PRP4K: variants seen among roughly 807,000 people sequenced by gnomAD.
PRP4K encodes pre-mRNA processing factor kinase PRP4K, also known as serine/threonine-protein kinase PRP4 homolog.
At chr6:4,041,335 C>T in the PRP4K span, among the ~76,000 whole-genome samples, 2 of 152,288 alleles carry the variant, frequency 1.3e-5, no homozygotes, top group African/African-American at 4.8e-5. Flanking sequence ...CTTTTTACAA[C>T]ATGAAAATGT....
the PRP4K span, among the ~76,000 whole-genome samples, chr6:4,023,991 C>T: frequency 4.0e-5 from 6 of 151,842 alleles, no homozygotes; most frequent in South Asian, 4.2e-4. Context: ...CTCAGCCTCC[C>T]GAGTAGCTGG....
the PRP4K span, among the ~76,000 whole-genome samples, chr6:4,034,665 A>C: frequency 2.0e-5 from 3 of 152,058 alleles, no homozygotes; most frequent in Admixed American, 2.0e-4. Context: ...TTCTTAGGTG[A>C]CTAGTGAGGG....
chr6:4,036,170 C>A, the PRP4K span, among the ~76,000 whole-genome samples: 1 of 152,230 alleles, frequency 6.6e-6, no homozygotes, highest in Admixed American at 6.5e-5. Flanking sequence ...AAGAGTAAAA[C>A]TCACTGAAAG....
At chr6:4,058,710 TTTTG>T in the PRP4K span, 4 of 1,603,170 alleles carry the variant, frequency 2.5e-6, no homozygotes, top group Non-Finnish European at 3.4e-6. Context: ...AAACCCAAGT[TTTTG>T]TTTTGTTTTG....
At chr6:4,056,303 T>C in the PRP4K span, 1 of 1,562,798 alleles carries the variant, frequency 6.4e-7, no homozygotes, top group Non-Finnish European at 8.8e-7. Flanking sequence ...TAAATTCCCT[T>C]GAAAAAATGT....
the PRP4K span, chr6:4,049,954 T>G: frequency 1.4e-6 from 2 of 1,475,508 alleles, no homozygotes; most frequent in Non-Finnish European, 1.8e-6. Flanking sequence ...AACTATTTTT[T>G]TAAAGTGATA....
chr6:4,053,028 G>A, the PRP4K span, among the ~76,000 whole-genome samples: 9 of 152,068 alleles, frequency 5.9e-5, no homozygotes, highest in African/African-American at 2.2e-4. Flanking sequence ...TATCTTTCTT[G>A]GAAATCGGAC....
the PRP4K span, among the ~76,000 whole-genome samples, chr6:4,047,887 T>C: frequency 7.1e-6 from 1 of 140,728 alleles, no homozygotes; most frequent in Admixed American, 7.7e-5. Flanking sequence ...GTAAGATAAA[T>C]AGTCATGTAT....
the PRP4K span, chr6:4,037,471 C>T: frequency 3.1e-6 from 5 of 1,613,852 alleles, no homozygotes; most frequent in African/African-American, 1.3e-5. Flanking sequence ...AGATGGTCTC[C>T]AACCCGAAGA....
At chr6:4,063,640 T>G in the PRP4K span, 2 of 152,048 alleles carry the variant, frequency 1.3e-5, no homozygotes, top group Non-Finnish European at 2.9e-5. Flanking sequence ...TACTCTGGGT[T>G]TTTTATACTC....
the PRP4K span, among the ~76,000 whole-genome samples, chr6:4,023,831 G>A: frequency 6.6e-6 from 1 of 151,706 alleles, no homozygotes; most frequent in Admixed American, 6.6e-5. Flanking sequence ...CCAGCCTCCG[G>A]AGTAGCTGGG....
At chr6:4,043,143 A>G in the PRP4K span, among the ~76,000 whole-genome samples, 16 of 152,178 alleles carry the variant, frequency 1.1e-4, no homozygotes, top group African/African-American at 3.9e-4. Context: ...AAAGGAGAAA[A>G]CAGCTGTGGC....
chr6:4,046,780 C>T, the PRP4K span, among the ~76,000 whole-genome samples: 1 of 151,936 alleles, frequency 6.6e-6, no homozygotes, highest in Non-Finnish European at 1.5e-5. Flanking sequence ...TTCTCAGCCT[C>T]CCAAGTAGCT....
At chr6:4,040,690 A>G in the PRP4K span, 105,578 of 1,362,840 alleles carry the variant, frequency 0.077, 4,709 homozygotes, top group Middle Eastern at 0.19. Flanking sequence ...GAATTTCTAT[A>G]TATCCCCTGT....
chr6:4,058,452 C>T, the PRP4K span, among the ~76,000 whole-genome samples: 1 of 152,116 alleles, frequency 6.6e-6, no homozygotes, highest in Non-Finnish European at 1.5e-5. Flanking sequence ...TGTTGACTCT[C>T]CAATTTTAAA....
the PRP4K span, chr6:4,060,881 A>G: frequency 6.9e-5 from 29 of 418,788 alleles, no homozygotes; most frequent in South Asian, 6.3e-4. This position sits in a 1 kb window ranked among gnomAD's most constrained non-coding sequence, Gnocchi z 4.7. Flanking sequence ...TGCAGTTCAC[A>G]TAAAGACAAA....
the PRP4K span, chr6:4,056,485 C>A: frequency 1.2e-6 from 2 of 1,612,390 alleles, no homozygotes; most frequent in South Asian, 1.1e-5. Context: ...TGGTGGAAAC[C>A]GCATACTTAA....
chr6:4,043,866 C>T, the PRP4K span: 11 of 1,614,036 alleles, frequency 6.8e-6, no homozygotes, highest in South Asian at 1.1e-5. Context: ...CTGAACCAAG[C>T]AGCCCCCAGA....
At chr6:4,054,718 A>C in the PRP4K span, among the ~76,000 whole-genome samples, 1 of 152,066 alleles carries the variant, frequency 6.6e-6, no homozygotes, top group Non-Finnish European at 1.5e-5. Flanking sequence ...GTTGGCCAGG[A>C]TGGTCTTAAT....
Sources: allele counts gnomAD v4.1 joint callset (sites outside exome capture counted in the v4.1 genomes callset), GRCh38; gene constraint gnomAD v4.1.1; non-coding constraint Gnocchi (gnomAD v3.1); transcripts MANE v1.5; gene names NCBI Gene and HGNC (gene_info 2026-07-23, HGNC 2026-07-21).